The following ANKRD30B variants were observed in gnomAD, a reference collection of about 807,000 sequenced individuals.
ANKRD30B encodes the protein ankyrin repeat domain 30B.
Under a neutral mutation model 202.2 loss-of-function variants are expected in ANKRD30B, and 144 were observed. The ratio of observed to expected loss-of-function variants is 0.71; its 90% confidence interval spans 0.62 to 0.82. The LOEUF (loss-of-function observed/expected upper bound fraction) is 0.82. Among genes scored for constraint, ANKRD30B ranks in the 40% least tolerant of loss-of-function variants. The pLI is 0.00. For missense variants in ANKRD30B, 1,487 were observed against 1,669.1 expected, an observed-to-expected ratio of 0.89 and a Z score of 1.90; for synonymous variants, 508 against 561.3, an observed-to-expected ratio of 0.91 and a Z score of 1.34.
chr18:14,799,640 C>A (rs905518594), intron 22 of ANKRD30B, among the ~76,000 whole-genome samples: 3 of 152,020 alleles, frequency 2.0e-5, no homozygotes, highest in Admixed American at 1.3e-4. Flanking sequence ...GAATTCTGAT[C>A]TTTACTTTGA....
the ANKRD30B span, among the ~76,000 whole-genome samples, chr18:14,876,892 C>T: frequency 1.4e-4 from 21 of 152,220 alleles, 1 homozygote; most frequent in East Asian, 1.2e-3. Flanking sequence ...ATCTCTGTCA[C>T]GCAAAGTTCA....
At chr18:14,903,957 A>G in the ANKRD30B span, among the ~76,000 whole-genome samples, 1 of 152,316 alleles carries the variant, frequency 6.6e-6, no homozygotes, top group East Asian at 1.9e-4. Flanking sequence ...TTTGATATAT[A>G]CTTGTCCCTG....
At chr18:14,784,425 C>T in intron 13 of ANKRD30B, 38 bp from the exon 14 acceptor site, 2 of 1,611,272 alleles carry the variant, frequency 1.2e-6, no homozygotes, top group Non-Finnish European at 1.7e-6. Flanking sequence ...GTGAAGTACA[C>T]ATTCTTTATT....
chr18:14,931,065 T>G, the ANKRD30B span, among the ~76,000 whole-genome samples: 1 of 152,194 alleles, frequency 6.6e-6, no homozygotes, highest in Non-Finnish European at 1.5e-5. Flanking sequence ...ATTCCGTGAT[T>G]GTGCTGCGAG....
At position 14,757,934 on chromosome 18, in the gene ANKRD30B, C is replaced by T. The variant is rs754900800; in HGVS notation, c.737C>T (p.Ala246Val). 2 of 1,600,138 alleles carry T rather than the reference C, an allele frequency of 1.2e-6. No homozygotes were observed. Among genetic ancestry groups the T allele is most frequent in the Non-Finnish European group, 1.7e-6 (2 of 1,172,620 alleles). ...GGAATAACTGCAGAACGTTATGCTG[C>T]TGCTTGTGGAGTTAATTAGTAAGTG... is the stretch of plus-strand genomic sequence containing the variant. Reference protein sequence around the residue: ...IHGITAERYAAACGVNYIHQQ... With the variant: ...IHGITAERYAVACGVNYIHQQ... The change falls in exon 5 of 44, where the codon GCT becomes GTT. Residue 246 changes from alanine (A) to valine (V), a missense_variant. Ala to Val is a moderately conservative substitution (Grantham distance 64, BLOSUM62 0). Around this residue, in one of 6 missense-constraint regions of ANKRD30B, gnomAD observed 889 missense variants for 841.4 expected, o/e 1.06. Transcript: ENST00000690538.
chr18:14,869,427 T>C, the ANKRD30B span, among the ~76,000 whole-genome samples: 19 of 151,756 alleles, frequency 1.3e-4, no homozygotes, highest in Non-Finnish European at 1.8e-4. Context: ...AATTTAGTCA[T>C]TCTTCTTTTA....
chr18:14,840,222 T>C (rs1480503013), intron 36 of ANKRD30B, among the ~76,000 whole-genome samples: 1 of 152,228 alleles, frequency 6.6e-6, no homozygotes, highest in Non-Finnish European at 1.5e-5. Context: ...GTGATGCTTG[T>C]CATTATTATT....
intron 1 of ANKRD30B, among the ~76,000 whole-genome samples, chr18:14,749,772 C>T (rs1337966474): frequency 6.7e-6 from 1 of 149,648 alleles, no homozygotes. Context: ...TCCAGAAACA[C>T]CCAAACATAT....
the ANKRD30B span, among the ~76,000 whole-genome samples, chr18:14,909,005 G>A: frequency 6.6e-6 from 1 of 152,206 alleles, no homozygotes; most frequent in Non-Finnish European, 1.5e-5. Flanking sequence ...AGGAGACAGG[G>A]AAGCTGTCGG....
At chr18:14,809,931 G>A in intron 26 of ANKRD30B, 55 bp from the exon 27 acceptor site, 2 of 1,337,352 alleles carry the variant, frequency 1.5e-6, no homozygotes, top group South Asian at 1.2e-5. Flanking sequence ...ATGAACATTT[G>A]GTAGGCTTTG....
intron 34 of ANKRD30B, among the ~76,000 whole-genome samples, chr18:14,833,559 A>T (rs1254047601): frequency 2.0e-5 from 3 of 152,188 alleles, no homozygotes; most frequent in African/African-American, 7.2e-5. Context: ...TTTATGAAAC[A>T]TTCATTTTTA....
intron 42 of ANKRD30B, among the ~76,000 whole-genome samples, 163 bp from the exon 43 acceptor site, chr18:14,853,646 A>G (rs1019965627): frequency 1.3e-5 from 2 of 152,088 alleles, no homozygotes; most frequent in African/African-American, 4.8e-5. Flanking sequence ...CCAATTTGGC[A>G]GAAAGATTAC....
chr18:14,926,176 T>G, the ANKRD30B span, among the ~76,000 whole-genome samples: 1 of 152,160 alleles, frequency 6.6e-6, no homozygotes. Context: ...AAGGTGTAAT[T>G]ACCTATGAGC....
the ANKRD30B span, among the ~76,000 whole-genome samples, chr18:14,866,219 G>A: frequency 2.0e-5 from 3 of 152,352 alleles, no homozygotes; most frequent in African/African-American, 7.2e-5. Context: ...CTCTGTTCCC[G>A]GCTTAGAGGA....
chr18:14,841,635 A>G (rs974912396), intron 37 of ANKRD30B, among the ~76,000 whole-genome samples: 9 of 152,228 alleles, frequency 5.9e-5, no homozygotes, highest in Non-Finnish European at 1.2e-4. Flanking sequence ...AATGGGAAGA[A>G]TCAAGACCAC....
the ANKRD30B span, among the ~76,000 whole-genome samples, chr18:14,883,231 T>C: frequency 6.6e-6 from 1 of 151,908 alleles, no homozygotes; most frequent in Admixed American, 6.6e-5. Flanking sequence ...AGAGGCACAT[T>C]AGAATCTTCT....
At chr18:14,921,977 A>G in the ANKRD30B span, among the ~76,000 whole-genome samples, 1 of 152,222 alleles carries the variant, frequency 6.6e-6, no homozygotes, top group Non-Finnish European at 1.5e-5. Flanking sequence ...ACAAAAACAA[A>G]CAAAAAAATC....
At chr18:14,782,061 G>C (rs1967782719) in intron 11 of ANKRD30B, among the ~76,000 whole-genome samples, 1 of 152,144 alleles carries the variant, frequency 6.6e-6, no homozygotes, top group Non-Finnish European at 1.5e-5. Context: ...CCAAAGTTAT[G>C]CAAACTTCTC....
At chr18:14,926,156 C>T in the ANKRD30B span, among the ~76,000 whole-genome samples, 4 of 152,104 alleles carry the variant, frequency 2.6e-5, no homozygotes, top group African/African-American at 4.8e-5. Context: ...GTTGGAGTCC[C>T]GGTTTCCTGA....
Sources: gnomAD v4.1 joint callset for allele counts (sites outside exome capture counted in the v4.1 genomes callset) on GRCh38, gnomAD v4.1.1 for gene constraint, gnomAD v4.1.1 regional missense constraint, MANE v1.5 for transcripts, NCBI Gene and HGNC (gene_info 2026-07-23, HGNC 2026-07-21) for gene names.